Variants in PTPRB observed in about 807,000 individuals in gnomAD.
PTPRB encodes receptor-type tyrosine-protein phosphatase beta.
Under a neutral mutation model 238.1 loss-of-function variants are expected in PTPRB, and 97 were observed. That is an observed-to-expected ratio of 0.41 (90% CI 0.35 to 0.48). The LOEUF is 0.48. Among genes scored for constraint, PTPRB ranks in the 20% least tolerant of loss-of-function variants. The pLI, the probability that PTPRB is intolerant of heterozygous loss-of-function variation, is 0.30. For missense variants in PTPRB, 2,292 were observed against 2,681.9 expected, an observed-to-expected ratio of 0.85 and a Z score of 3.21; for synonymous variants, 970 against 995.4, an observed-to-expected ratio of 0.97 and a Z score of 0.48.
intron 15 of PTPRB, among the ~76,000 whole-genome samples, chr12:70,564,865 AATAATAATAATAATAATAAT>A (rs1365127767): frequency 0.069 from 7,468 of 107,980 alleles, 660 homozygotes; most frequent in African/African-American, 0.2. Flanking sequence ...TAATAATAAT[AATAATAATAATAATAATAAT>A]AATAAATAGA....
intron 32 of PTPRB, among the ~76,000 whole-genome samples, chr12:70,529,706 A>C (rs1872892808): frequency 6.6e-6 from 1 of 152,182 alleles, no homozygotes; most frequent in South Asian, 2.1e-4. Flanking sequence ...TGATGAAATA[A>C]CAGCGCTAGG....
intron 31 of PTPRB, 109 bp from the exon 32 acceptor site, chr12:70,532,279 A>G (rs1339799265): frequency 7.7e-7 from 1 of 1,296,236 alleles, no homozygotes; most frequent in Non-Finnish European, 1.0e-6. Flanking sequence ...GTTATGGGAG[A>G]AGATAGGAAT....
rs79190579 is a variant in PTPRB at position 70,599,195 on chromosome 12, T to A, written c.980-2868A>T. Reference sequence around the variant, plus strand: ...TTCTATCAGGGGTGCACATTTCATATAATATGACTGTGTGTGTATGTATTA... The same window carrying A: ...TTCTATCAGGGGTGCACATTTCATAAAATATGACTGTGTGTGTATGTATTA... On this transcript the variant is annotated intron_variant, in intron 4 of 33. Transcript: ENST00000334414. Among the ~76,000 whole-genome samples the A allele has an allele frequency of 8.5e-4, 129 of 152,276 alleles. 2 individuals are homozygous for A. The East Asian group carries it at 0.021, about 25-fold the overall frequency.
chr12:70,614,504 G>A (rs538726789), intron 3 of PTPRB, among the ~76,000 whole-genome samples: 8 of 151,960 alleles, frequency 5.3e-5, no homozygotes, highest in South Asian at 2.1e-4. Context: ...AAGTGAGATC[G>A]CACCACTGCA....
intron 31 of PTPRB, among the ~76,000 whole-genome samples, chr12:70,533,031 CAT>C (rs528263027): frequency 4.6e-5 from 7 of 152,240 alleles, no homozygotes; most frequent in South Asian, 2.1e-4. Flanking sequence ...TCTATTAAAA[CAT>C]GTGTTGCAAA....
At chr12:70,636,136 AC>A in intron 1 of PTPRB, 70 bp from the exon 2 acceptor site, 1 of 1,389,876 alleles carries the variant, frequency 7.2e-7, no homozygotes, top group Non-Finnish European at 9.6e-7. Flanking sequence ...GGAAGAACCC[AC>A]CCACAAATGA....
intron 21 of PTPRB, among the ~76,000 whole-genome samples, chr12:70,547,623 C>T (rs532307991): frequency 1.3e-5 from 2 of 151,214 alleles, no homozygotes; most frequent in South Asian, 2.1e-4. Context: ...CCTCCAACCC[C>T]AGCCTCCTGA....
intron 10 of PTPRB, among the ~76,000 whole-genome samples, chr12:70,577,303 G>A (rs1052193500): frequency 6.6e-6 from 1 of 152,152 alleles, no homozygotes. Context: ...CTGTTATGGC[G>A]ATAATGGGTT....
In PTPRB at chr12:70,534,521, C is replaced by G; in HGVS notation, c.6335G>C (p.Ser2112Thr). Reference protein sequence around the residue: ...VRTVRDYINRSPGAGPTVVHC... With the variant: ...VRTVRDYINRTPGAGPTVVHC... ...CACCACAGTGGGCCCAGCACCCGGG[C>G]TTCTGTTGATGTAGTCCCTGACAGT... Residue 2112 changes from serine to threonine, a missense_variant, in exon 31 of 34, where the codon AGC (serine) becomes ACC (threonine). Ser to Thr is a moderately conservative substitution (Grantham distance 58, BLOSUM62 1). This residue lies in a region of PTPRB where 397 missense variants were observed against 502.0 expected (regional missense o/e 0.79). Transcript: ENST00000334414. The G allele has an allele frequency of 6.2e-7, 1 of 1,613,322 alleles. No homozygotes were observed.
intron 27 of PTPRB, 50 bp from the exon 28 acceptor site, chr12:70,538,281 T>G (rs1359323213): frequency 6.7e-7 from 1 of 1,498,934 alleles, no homozygotes; most frequent in Admixed American, 1.7e-5. Context: ...TTCTACAGTT[T>G]ATGTGATGTG....
At chr12:70,609,778 T>C in intron 3 of PTPRB, 1 of 1,587,238 alleles carries the variant, frequency 6.3e-7, no homozygotes. Flanking sequence ...AGGCTCAGTG[T>C]GATCCACAAG....
At position 70,519,604 on chromosome 12, in the gene PTPRB, T is replaced by C. The variant is rs1014613681; in HGVS notation, c.*1885A>G. 1 of 152,244 alleles carries C rather than the reference T, an allele frequency of 6.6e-6. No individual in the cohort carries two copies. The highest frequency in any genetic ancestry group is 6.5e-5 in the Admixed American group (1 of 15,282). The allele number at this position is 152,244 out of a possible 1,614,324, so 9.4% of individuals were successfully genotyped here. A position where few individuals can be genotyped will look rare whatever the true frequency, so the allele number is the denominator to read the frequency against. On this transcript the variant is annotated 3_prime_UTR_variant, in exon 34 of 34. Transcript: ENST00000334414. ...TGCTTTGCATCAAGCAACATTAGTG[T>C]AAAATTCTGCTTTTTCTCTTTTTTC...
intron 33 of PTPRB, among the ~76,000 whole-genome samples, chr12:70,523,543 T>A (rs1871916498): frequency 6.6e-6 from 1 of 152,116 alleles, no homozygotes; most frequent in Non-Finnish European, 1.5e-5. Flanking sequence ...TTTCAAAGAA[T>A]CCTCCCCAAG....
At position 70,562,814 on chromosome 12, in the gene PTPRB, G is replaced by A. The variant is rs548195086; in HGVS notation, c.4168+30C>T. 3.1e-5 allele frequency: 50 copies of A among 1,601,962 alleles called. No individual in the cohort carries two copies. In the East Asian group the frequency reaches 7.2e-4, roughly 23 times the overall value. On this transcript the variant is annotated intron_variant, in intron 16 of 33. Coordinates refer to ENST00000334414, the MANE Select transcript of PTPRB (RefSeq NM_001109754.4). ...GTGAATACCGGGACAATTCCCCCACGATTCATTACTGCTTGGGTCTTGGTC... is the reference window on the plus strand; with the variant it reads ...GTGAATACCGGGACAATTCCCCCACAATTCATTACTGCTTGGGTCTTGGTC...
At chr12:70,601,537 C>A (rs377715262) in intron 4 of PTPRB, among the ~76,000 whole-genome samples, 29 of 152,130 alleles carry the variant, frequency 1.9e-4, no homozygotes, top group East Asian at 7.8e-4. Context: ...TAGTAACAAG[C>A]AGAGTGGTGA....
At position 70,578,448 on chromosome 12, in the gene PTPRB, C is replaced by T. The variant is rs566041176; in HGVS notation, c.2579-1803G>A. On this transcript the variant is annotated intron_variant, in intron 10 of 33. Coordinates refer to ENST00000334414, the MANE Select transcript of PTPRB (RefSeq NM_001109754.4). ...AGGAGTCTCCCATTTTCCCCTTTAT[C>T]GTGATAATGTGCACTCTTCATATGT... 1.1e-3 allele frequency among the ~76,000 whole-genome samples: 170 copies of T among 152,052 alleles called. 1 individual carries two copies. Among genetic ancestry groups the T allele is most frequent in the African/African-American group, 3.9e-3 (160 of 41,486 alleles).
chr12:70,635,530 G>T, intron 2 of PTPRB, 141 bp downstream of exon 2: 1 of 1,118,184 alleles, frequency 8.9e-7, no homozygotes, highest in African/African-American at 1.6e-5. Flanking sequence ...ACCTCCATTA[G>T]CTTATGAATC....
At chr12:70,614,536 G>A (rs1458556404) in intron 3 of PTPRB, among the ~76,000 whole-genome samples, 2 of 152,042 alleles carry the variant, frequency 1.3e-5, no homozygotes, top group African/African-American at 4.8e-5. Flanking sequence ...GTGACAGAGT[G>A]AGACTCCATC....
chr12:70,609,265 G>C lies in PTPRB; in HGVS notation c.783C>G (p.Ile261Met). 2 of 1,614,038 alleles carry C rather than the reference G, an allele frequency of 1.2e-6. No individual in the cohort carries two copies. The highest frequency in any genetic ancestry group is 1.7e-6 in the Non-Finnish European group (2 of 1,179,896). Residue 261 changes from isoleucine (I) to methionine (M), a missense_variant, in exon 4 of 34, where the codon ATC (isoleucine) becomes ATG (methionine). By Grantham distance (10) the Ile-to-Met change is conservative. Transcript: ENST00000334414. Reference sequence around the variant, plus strand: ...AGGGTGAGCCCAAAATTCTCCACTGGATAGACACAGAATGGCTGGAGGCCT... The same window carrying C: ...AGGGTGAGCCCAAAATTCTCCACTGCATAGACACAGAATGGCTGGAGGCCT... ...ESKASSHSVSIQWRILGSPCN... is the reference protein window; with the variant it reads ...ESKASSHSVSMQWRILGSPCN...
Sources: gnomAD v4.1 joint callset for allele counts (sites outside exome capture counted in the v4.1 genomes callset) on GRCh38, gnomAD v4.1.1 for gene constraint, gnomAD v4.1.1 regional missense constraint, MANE v1.5 for transcripts, NCBI Gene and HGNC (gene_info 2026-07-23, HGNC 2026-07-21) for gene names.